The following EBF2 variants were observed in gnomAD, a reference collection of about 807,000 sequenced individuals.
The protein encoded by EBF2 is EBF transcription factor 2, also known as transcription factor COE2.
A neutral mutation model predicts 72.8 loss-of-function variants in EBF2; 21 were observed. The observed-to-expected ratio is 0.29, with a 90% confidence interval of 0.20 to 0.42. The LOEUF is 0.42. Among genes scored for constraint, EBF2 ranks in the 10% least tolerant of loss-of-function variants. EBF2 has a pLI of 1.00. For missense variants in EBF2, 637 were observed against 731.2 expected, an observed-to-expected ratio of 0.87 and a Z score of 1.49; for synonymous variants, 299 against 274.2, an observed-to-expected ratio of 1.09 and a Z score of -0.89.
Position 26,045,046 on chromosome 8 carries a change from C to G in EBF2, c.-187G>C. On this transcript the variant is annotated 5_prime_UTR_variant, in exon 1 of 16. Transcript: ENST00000520164. Reference sequence around the variant, plus strand: ...CTTTGCTTCACTGGCGAGGTGCGGACTGATGTAGTCAAAGTTTGGGTTCTT... The same window carrying G: ...CTTTGCTTCACTGGCGAGGTGCGGAGTGATGTAGTCAAAGTTTGGGTTCTT... 1 of 605,254 alleles carries G rather than the reference C, an allele frequency of 1.7e-6. No individual in the cohort carries two copies. The highest frequency in any genetic ancestry group is 2.8e-6 in the Non-Finnish European group (1 of 362,884). 37.5% of individuals were successfully genotyped at this position (605,254 alleles called of 1,614,324 possible).
At chr8:25,911,328 G>A (rs759147851) in intron 6 of EBF2, among the ~76,000 whole-genome samples, 2 of 152,108 alleles carry the variant, frequency 1.3e-5, no homozygotes, top group Non-Finnish European at 2.9e-5. Context: ...TCATAACCAC[G>A]GTGCATGCTA....
intron 4 of EBF2, 43 bp from the exon 5 acceptor site, chr8:26,040,144 G>A: frequency 6.3e-7 from 1 of 1,593,896 alleles, no homozygotes; most frequent in South Asian, 1.1e-5. Context: ...GTGGAGAGGG[G>A]TGGGGGGCAA....
chr8:25,921,907 C>T (rs940484986), intron 6 of EBF2, among the ~76,000 whole-genome samples: 10 of 152,224 alleles, frequency 6.6e-5, no homozygotes, highest in Admixed American at 3.3e-4. Flanking sequence ...GGCACTGCTT[C>T]TGTGCACCTG....
intron 6 of EBF2, among the ~76,000 whole-genome samples, chr8:25,921,832 C>A (rs944354991): frequency 2.6e-5 from 4 of 152,204 alleles, no homozygotes; most frequent in African/African-American, 9.7e-5. Context: ...CGAAACGTCT[C>A]ATGGGAGAAC....
intron 6 of EBF2, among the ~76,000 whole-genome samples, chr8:26,002,543 G>A (rs963215173): frequency 1.4e-5 from 2 of 146,842 alleles, no homozygotes; most frequent in Admixed American, 1.4e-4. Context: ...TTTTCCCTTT[G>A]TGTTCTATCT....
At chr8:26,018,926 G>A (rs942063655) in intron 6 of EBF2, among the ~76,000 whole-genome samples, 2 of 116,594 alleles carry the variant, frequency 1.7e-5, no homozygotes, top group Admixed American at 9.6e-5. Context: ...TGGGATCCAT[G>A]GCAATAAAAA....
intron 6 of EBF2, among the ~76,000 whole-genome samples, chr8:25,913,454 G>A (rs1803161640): frequency 6.6e-6 from 1 of 151,940 alleles, no homozygotes; most frequent in African/African-American, 2.4e-5. Context: ...AAAAATAAAT[G>A]GGAATTCACA....
At chr8:25,882,944 G>A (rs186503448) in intron 10 of EBF2, among the ~76,000 whole-genome samples, 2 of 152,312 alleles carry the variant, frequency 1.3e-5, no homozygotes, top group Non-Finnish European at 2.9e-5. Flanking sequence ...AGAAAACAGA[G>A]ATATTTTACG....
chr8:25,986,025 A>AAAAAAAAT (rs1804448971), intron 6 of EBF2, among the ~76,000 whole-genome samples: 1 of 145,670 alleles, frequency 6.9e-6, no homozygotes, highest in African/African-American at 2.6e-5. Flanking sequence ...AAAAAAAAAA[A>AAAAAAAAT]GTACATGAGG....
At chr8:26,004,805 C>A (rs956998457) in intron 6 of EBF2, among the ~76,000 whole-genome samples, 4 of 151,396 alleles carry the variant, frequency 2.6e-5, no homozygotes, top group African/African-American at 4.9e-5. Context: ...CACTAAAAGG[C>A]ACCTAAACCC....
intron 6 of EBF2, among the ~76,000 whole-genome samples, chr8:25,971,325 A>T (rs1804185834): frequency 6.6e-6 from 1 of 151,618 alleles, no homozygotes; most frequent in South Asian, 2.1e-4. Context: ...AATAAAGTTC[A>T]GAGACATCGT....
At chr8:25,958,175 A>G (rs568745771) in intron 6 of EBF2, among the ~76,000 whole-genome samples, 1 of 152,274 alleles carries the variant, frequency 6.6e-6, no homozygotes, top group African/African-American at 2.4e-5. Context: ...AGCAGATTCC[A>G]AACAGAGACT....
intron 4 of EBF2, among the ~76,000 whole-genome samples, 179 bp downstream of exon 4, chr8:26,040,435 CAG>C (rs1480443149): frequency 2.1e-5 from 3 of 141,992 alleles, no homozygotes; most frequent in African/African-American, 8.1e-5. Flanking sequence ...CTTGGTGAGA[CAG>C]GGAAGAAAAA....
intron 6 of EBF2, among the ~76,000 whole-genome samples, chr8:26,016,163 T>C (rs1396520780): frequency 6.6e-6 from 1 of 152,168 alleles, no homozygotes; most frequent in East Asian, 1.9e-4. Flanking sequence ...ACAGTCTTAC[T>C]CTATTCTACT....
intron 6 of EBF2, among the ~76,000 whole-genome samples, chr8:26,019,895 C>T (rs1478516993): frequency 1.3e-5 from 2 of 152,112 alleles, no homozygotes; most frequent in Admixed American, 6.6e-5. Flanking sequence ...TGCCTGCTTT[C>T]CCAGGGGTTG....
In EBF2 at chr8:25,861,082, T is replaced by A. The variant is rs771946986; in HGVS notation, c.1309A>T (p.Ser437Cys). 4 of 1,614,068 alleles carry A rather than the reference T, an allele frequency of 2.5e-6. No homozygotes were observed. In the African/African-American group the frequency reaches 4.0e-5, roughly 16 times the overall value. ...TTTCCTTGTGTTGACTCTGAGATGC[T>A]GACCCCAAGCTGGCTGCCATAGGAG... is the stretch of plus-strand genomic sequence containing the variant. ...INSYGSQLGV[S>C]ISESTQGNNQ... The change falls in exon 13 of 16, where the codon AGC (serine) becomes TGC (cysteine). Residue 437 changes from serine (S) to cysteine (C), a missense_variant. Physicochemically the swap from Ser to Cys is moderately radical, Grantham distance 112. Around this residue, in one of 3 missense-constraint regions of EBF2, gnomAD observed 259 missense variants for 268.1 expected, o/e 0.97. Transcript: ENST00000520164.
At chr8:25,949,324 T>A (rs747070173) in intron 6 of EBF2, among the ~76,000 whole-genome samples, 1 of 152,238 alleles carries the variant, frequency 6.6e-6, no homozygotes, top group Non-Finnish European at 1.5e-5. Flanking sequence ...TTTCAGCGAA[T>A]GGTTACTAAA....
intron 6 of EBF2, among the ~76,000 whole-genome samples, chr8:25,991,397 T>C (rs531755492): frequency 5.3e-5 from 8 of 152,308 alleles, no homozygotes; most frequent in South Asian, 2.1e-4. Flanking sequence ...TTGAGGCCCA[T>C]TGTATGCCAG....
At chr8:26,008,465 T>C (rs962519057) in intron 6 of EBF2, among the ~76,000 whole-genome samples, 2 of 152,108 alleles carry the variant, frequency 1.3e-5, no homozygotes, top group African/African-American at 4.8e-5. Flanking sequence ...CAGCCTAGTG[T>C]AGTGGTGCCA....
Sources: allele counts gnomAD v4.1 joint callset (sites outside exome capture counted in the v4.1 genomes callset), GRCh38; gene constraint gnomAD v4.1.1; regional missense constraint gnomAD v4.1.1; transcripts MANE v1.5; gene names NCBI Gene and HGNC (gene_info 2026-07-23, HGNC 2026-07-21).